Variants in CSMD1 observed in about 807,000 individuals in gnomAD.
The protein encoded by CSMD1 is CUB and Sushi multiple domains 1, also known as CUB and sushi domain-containing protein 1.
CSMD1 carries 213 observed loss-of-function variants against 417.5 expected under a neutral mutation model. The ratio of observed to expected loss-of-function variants is 0.51; its 90% CI spans 0.46 to 0.57. The LOEUF (loss-of-function observed/expected upper bound fraction) is 0.57. Ranked by LOEUF, CSMD1 falls within the 20% of genes least tolerant of loss-of-function variation. CSMD1 has a pLI of 0.00. For synonymous variants in CSMD1, 2,862 were observed against 1,736.8 expected, an observed-to-expected ratio of 1.65 and a Z score of -16.11; for missense variants, 6,923 against 4,529.7, an observed-to-expected ratio of 1.53 and a Z score of -15.17.
intron 49 of CSMD1, among the ~76,000 whole-genome samples, chr8:3,059,843 A>G (rs1221477407): frequency 6.6e-6 from 1 of 152,138 alleles, no homozygotes; most frequent in Non-Finnish European, 1.5e-5. Context: ...AAGTGATTCA[A>G]GCAGTTGGAT....
chr8:4,393,772 A>G (rs1019377508), intron 3 of CSMD1, among the ~76,000 whole-genome samples: 4 of 152,160 alleles, frequency 2.6e-5, no homozygotes, highest in African/African-American at 9.7e-5. Context: ...AAAACAGAAA[A>G]AGCTGCAATC....
chr8:2,974,715 T>A (rs574584578), intron 55 of CSMD1, 91 bp from the exon 56 acceptor site: 2 of 875,910 alleles, frequency 2.3e-6, no homozygotes, highest in African/African-American at 3.4e-5. Flanking sequence ...CATACTGACA[T>A]CATGTATTAA....
At chr8:4,954,535 A>AT (rs907656714) in intron 1 of CSMD1, among the ~76,000 whole-genome samples, 6 of 152,320 alleles carry the variant, frequency 3.9e-5, no homozygotes, top group African/African-American at 1.4e-4. Flanking sequence ...TATAGATTTT[A>AT]TTTTTTTAAA....
chr8:2,995,930 C>G (rs28483026), intron 54 of CSMD1, among the ~76,000 whole-genome samples: 13,587 of 152,080 alleles, frequency 0.089, 1,160 homozygotes, highest in African/African-American at 0.23. Context: ...TGTTTATAAG[C>G]GGAGTAAGGC....
chr8:4,036,899 T>A (rs184493376), intron 3 of CSMD1, among the ~76,000 whole-genome samples: 3 of 152,228 alleles, frequency 2.0e-5, no homozygotes, highest in African/African-American at 4.8e-5. Flanking sequence ...AAGATGACCA[T>A]GTTTGCATGT....
At chr8:4,246,562 T>A (rs1180771107) in intron 3 of CSMD1, among the ~76,000 whole-genome samples, 1 of 152,214 alleles carries the variant, frequency 6.6e-6, no homozygotes, top group African/African-American at 2.4e-5. Context: ...AGGGTTTTCT[T>A]TAAAATAATT....
At chr8:3,255,416 G>T (rs896106193) in intron 26 of CSMD1, among the ~76,000 whole-genome samples, 4 of 152,218 alleles carry the variant, frequency 2.6e-5, no homozygotes, top group East Asian at 3.9e-4. Flanking sequence ...GGACATTTCA[G>T]TCTGCACAGG....
At chr8:3,940,273 T>C (rs1810788236) in intron 5 of CSMD1, among the ~76,000 whole-genome samples, 1 of 152,118 alleles carries the variant, frequency 6.6e-6, no homozygotes, top group South Asian at 2.1e-4. Context: ...AAATATCTAT[T>C]AATGATAGAC....
intron 1 of CSMD1, among the ~76,000 whole-genome samples, chr8:4,721,596 G>C (rs1809054721): frequency 6.6e-6 from 1 of 152,186 alleles, no homozygotes; most frequent in African/African-American, 2.4e-5. Flanking sequence ...GAACTGCTGT[G>C]CACTGTTTGT....
At position 3,682,446 on chromosome 8, in the gene CSMD1, C is replaced by T. The variant is rs555718058; in HGVS notation, c.1009+25968G>A. On this transcript the variant is annotated intron_variant, in intron 7 of 69. Transcript: ENST00000635120. ...GCCAACAGACACATGAAAAAATGCT[C>T]ATCATCACCGGCCATCAGAGAAATG... Among the ~76,000 whole-genome samples, 17 of 152,278 alleles carry T rather than the reference C, an allele frequency of 1.1e-4. 1 individual carries two copies. The East Asian group carries it at 2.9e-3, about 26-fold the overall frequency.
chr8:4,122,024 A>T (rs1383168460), intron 3 of CSMD1, among the ~76,000 whole-genome samples: 1 of 152,068 alleles, frequency 6.6e-6, no homozygotes, highest in Non-Finnish European at 1.5e-5. Flanking sequence ...TTTTAAATCT[A>T]TAAACTTTAT....
intron 12 of CSMD1, among the ~76,000 whole-genome samples, chr8:3,436,187 A>T (rs1814551467): frequency 6.6e-6 from 1 of 152,170 alleles, no homozygotes; most frequent in Non-Finnish European, 1.5e-5. Flanking sequence ...AGGCTAAGAT[A>T]CCATCATTAT....
intron 1 of CSMD1, among the ~76,000 whole-genome samples, chr8:4,979,517 G>T (rs1008225592): frequency 1.3e-5 from 2 of 152,120 alleles, no homozygotes; most frequent in African/African-American, 4.8e-5. Flanking sequence ...TCTATCATAA[G>T]ATACTCACTG....
intron 2 of CSMD1, among the ~76,000 whole-genome samples, chr8:4,518,771 T>C (rs1036249299): frequency 6.6e-6 from 1 of 151,618 alleles, no homozygotes; most frequent in Non-Finnish European, 1.5e-5. Flanking sequence ...ATAATAATAA[T>C]AAAATAAAAT....
At chr8:3,443,013 A>T (rs1158716258) in intron 12 of CSMD1, among the ~76,000 whole-genome samples, 2 of 152,150 alleles carry the variant, frequency 1.3e-5, no homozygotes, top group African/African-American at 2.4e-5. Context: ...GAACTTGCAT[A>T]TTTCTGTTTA....
At chr8:3,576,772 G>A (rs906322184) in intron 9 of CSMD1, among the ~76,000 whole-genome samples, 2 of 152,146 alleles carry the variant, frequency 1.3e-5, no homozygotes, top group African/African-American at 4.8e-5. Context: ...GCTGTTCTCA[G>A]AGAGGATCAT....
At chr8:3,920,559 A>T (rs867294935) in intron 5 of CSMD1, among the ~76,000 whole-genome samples, 1 of 152,152 alleles carries the variant, frequency 6.6e-6, no homozygotes, top group Admixed American at 6.6e-5. Flanking sequence ...TTGTTCTTAA[A>T]TTTAAAGAGA....
chr8:3,132,999 C>T (rs1176838515), intron 41 of CSMD1, among the ~76,000 whole-genome samples: 1 of 152,214 alleles, frequency 6.6e-6, no homozygotes, highest in African/African-American at 2.4e-5. Flanking sequence ...AGGAACCTCT[C>T]CCACTTGGCC....
intron 3 of CSMD1, among the ~76,000 whole-genome samples, chr8:4,223,290 GAAAT>G (rs1563298516): frequency 1.3e-5 from 2 of 152,034 alleles, no homozygotes; most frequent in African/African-American, 4.8e-5. Context: ...TTTTTGCCTC[GAAAT>G]TCACCTGCAC....
Sources: gnomAD v4.1 joint callset for allele counts (sites outside exome capture counted in the v4.1 genomes callset) on GRCh38, gnomAD v4.1.1 for gene constraint, MANE v1.5 for transcripts, NCBI Gene and HGNC (gene_info 2026-07-23, HGNC 2026-07-21) for gene names.